SMTN: variants seen among roughly 807,000 people sequenced by gnomAD.
SMTN encodes smoothelin.
SMTN carries 58 observed loss-of-function variants against 102.0 expected under a neutral mutation model. The ratio of observed to expected loss-of-function variants is 0.57; its 90% CI spans 0.46 to 0.71. SMTN has a LOEUF of 0.71. SMTN is among the 30% of genes least tolerant of loss of function. The pLI is 0.00. For missense variants in SMTN, 1,185 were observed against 1,241.7 expected, an observed-to-expected ratio of 0.95 and a Z score of 0.69; for synonymous variants, 478 against 497.9, an observed-to-expected ratio of 0.96 and a Z score of 0.53.
chr22:31,103,838 C>G (rs1378051860), intron 20 of SMTN: 3 of 158,852 alleles, frequency 1.9e-5, no homozygotes, highest in Admixed American at 1.8e-4. Context: ...GATCAGGCAG[C>G]TAGCAGACAA....
Position 31,095,569 on chromosome 22 carries a change from C to A in SMTN, c.1821C>A (p.Leu607=). ...DQSTDFEERK[L]IRAALRELRQ... is the part of the protein sequence containing the mutation. ...GCACGGACTTTGAAGAGCGGAAGCT[C>A]ATCCGGGCTGCACTTCGTGAGCTCC... Residue 607 remains leucine, a synonymous_variant, in exon 13 of 21, where the codon CTC becomes CTA. Coordinates refer to ENST00000333137, the MANE Select transcript of SMTN (RefSeq NM_134269.3). The surrounding 1 kb of genome is among the most constrained non-coding windows in gnomAD (Gnocchi z 4.1). 1 of 1,614,032 alleles carries A rather than the reference C, an allele frequency of 6.2e-7. No individual in the cohort carries two copies. The highest frequency in any genetic ancestry group is 1.1e-5 in the South Asian group (1 of 91,078).
At position 31,071,792 on chromosome 22, in the gene SMTN, C is replaced by G. The variant is rs1485998661; in HGVS notation, c.-386+7605C>G. ...CTCACTGCAACCTCCACCTTCCAGG[C>G]TCAAGGGATTCTCCCACCTCAGCCT... On this transcript the variant is annotated intron_variant, in intron 1 of 3. Coordinates refer to the SMTN transcript ENST00000422839. 2.6e-5 allele frequency among the ~76,000 whole-genome samples: 4 copies of G among 150,980 alleles called. No homozygotes were observed. The East Asian group carries it at 7.9e-4, about 30-fold the overall frequency.
intron 1 of SMTN, among the ~76,000 whole-genome samples, chr22:31,071,559 G>C (rs1419699091): frequency 2.0e-5 from 3 of 152,078 alleles, no homozygotes; most frequent in South Asian, 4.1e-4. Context: ...CGAGGCTGCA[G>C]TGAGCTGCGA....
chr22:31,090,403 A>G (rs2043039531), intron 8 of SMTN, among the ~76,000 whole-genome samples: 1 of 142,944 alleles, frequency 7.0e-6, no homozygotes, highest in Admixed American at 7.1e-5. Flanking sequence ...CTTGAAAGGC[A>G]ACGGGCCTCA....
chr22:31,086,747 C>G (rs539041190), intron 2 of SMTN, among the ~76,000 whole-genome samples: 1 of 152,368 alleles, frequency 6.6e-6, no homozygotes, highest in Admixed American at 6.5e-5. Context: ...GGGGTCTTCT[C>G]ATAATTCCTC....
rs2042835755 is a variant in SMTN at position 31,088,087 on chromosome 22, G to T, written c.174G>T (p.Arg58=). The T allele has an allele frequency of 1.2e-6, 2 of 1,607,394 alleles. No homozygotes were observed. Among genetic ancestry groups the T allele is most frequent in the African/African-American group, 2.7e-5 (2 of 74,878 alleles). Residue 58 remains arginine, a synonymous_variant, in exon 3 of 21, where the codon CGG becomes CGT. Coordinates refer to ENST00000333137, the MANE Select transcript of SMTN (RefSeq NM_134269.3). ...CATCCAAGCGTTTCCGTGCCGAGCG[G>T]CAGGACAACAAGGAGAACTGGCTGC... ...ALASKRFRAE[R]QDNKENWLHS... is the part of the protein sequence containing the mutation.
chr22:31,101,019 A>C lies in SMTN; in HGVS notation c.2738A>C (p.Lys913Thr). ...GTCCAGAAGGGGCTGGTAAAAACCA[A>C]AAAGTCCTAACCCCTGCTCGGGGCC... ...CLVQKGLVKT[K>T]KS is the part of the protein sequence containing the mutation. The change falls in exon 20 of 21, where the codon AAA becomes ACA. Residue 913 changes from lysine (K) to threonine (T), a missense_variant. Lys to Thr is a moderately conservative substitution (Grantham distance 78). Around this residue, in one of 2 missense-constraint regions of SMTN, gnomAD observed 89 missense variants for 128.9 expected, o/e 0.69. Transcript: ENST00000333137. The C allele has an allele frequency of 1.9e-6, 3 of 1,612,184 alleles. No homozygotes were observed. The highest frequency in any genetic ancestry group is 2.5e-6 in the Non-Finnish European group (3 of 1,179,142).
At position 31,083,324 on chromosome 22, in the gene SMTN, C is replaced by T. The variant is rs1317461445; in HGVS notation, c.51+15C>T. 3 of 1,548,762 alleles carry T rather than the reference C, an allele frequency of 1.9e-6. No individual in the cohort carries two copies. The highest frequency in any genetic ancestry group is 4.0e-5 in the Admixed American group (2 of 49,432). ...TTCGGAAGCTGGTAAGTGGCCCCAT[C>T]ACCCACTGTGGGGACAGGAAAGCCA... On this transcript the variant is annotated intron_variant, in intron 2 of 20. Transcript: ENST00000333137.
At chr22:31,100,190 CTCTCTCCCTT>C (rs2147807265) in intron 19 of SMTN, among the ~76,000 whole-genome samples, 2 of 152,200 alleles carry the variant, frequency 1.3e-5, no homozygotes, top group East Asian at 1.9e-4. Flanking sequence ...CCTTCTCCCT[CTCTCTCCCTT>C]TCTCTGTCCT....
At chr22:31,102,704 C>CCTGAGCG (rs1266207349) in intron 20 of SMTN, 1 of 142,694 alleles carries the variant, frequency 7.0e-6, no homozygotes, top group Non-Finnish European at 1.6e-5. Context: ...ACTGGGGCAG[C>CCTGAGCG]CTGAGCCCTG....
intron 19 of SMTN, 82 bp downstream of exon 19, chr22:31,099,978 C>A (rs934509145): frequency 7.0e-7 from 1 of 1,428,080 alleles, no homozygotes; most frequent in Non-Finnish European, 9.6e-7. Context: ...CCCTGAGAAC[C>A]CCTGGAGCGG....
In SMTN at chr22:31,104,262, G is replaced by A. The variant is rs1053714953; in HGVS notation, c.*21-54G>A. 4.4e-5 allele frequency: 71 copies of A among 1,600,112 alleles called. 3 individuals are homozygous for A. Among genetic ancestry groups the A allele is most frequent in the Admixed American group, 3.6e-4 (21 of 59,134 alleles). ...AAAAAAGACCTTGGGGTAGAGGGGC[G>A]CCACGAGAGGCGGGTCTGGCGCTGA... is the stretch of plus-strand genomic sequence containing the variant. On this transcript the variant is annotated intron_variant, in intron 20 of 20. Transcript: ENST00000333137.
rs765622353 is a variant in SMTN, at chr22:31,088,477, A to G, written c.201-36A>G. 31 of 1,578,064 alleles carry G rather than the reference A, an allele frequency of 2.0e-5. 1 individual carries two copies. In the Admixed American group the frequency reaches 4.9e-4, roughly 25 times the overall value. ...AGCCCACATCCTCCACGACCTGGCC[A>G]TGGCAGTGGTGGTTACAGTCATGAT... is the stretch of plus-strand genomic sequence containing the variant. On this transcript the variant is annotated intron_variant, in intron 3 of 20. Coordinates refer to ENST00000333137, the MANE Select transcript of SMTN (RefSeq NM_134269.3).
intron 1 of SMTN, among the ~76,000 whole-genome samples, chr22:31,075,830 GTTTTGT>G (rs919418882): frequency 6.6e-6 from 1 of 152,132 alleles, no homozygotes; most frequent in Non-Finnish European, 1.5e-5. Context: ...GTTTTGTTTT[GTTTTGT>G]TTTTGTTTTT....
intron 14 of SMTN, 38 bp downstream of exon 14, chr22:31,096,935 G>A: frequency 6.2e-7 from 1 of 1,612,802 alleles, no homozygotes; most frequent in Non-Finnish European, 8.5e-7. Context: ...GGCTCAGGGT[G>A]GGAACACATC....
Position 31,101,015 on chromosome 22 carries a change from A to C in SMTN, c.2734A>C (p.Thr912Pro), listed in dbSNP as rs754141928. The C allele has an allele frequency of 3.1e-6, 5 of 1,612,450 alleles. No homozygotes were observed. Among genetic ancestry groups the C allele is most frequent in the Non-Finnish European group, 3.4e-6 (4 of 1,179,322 alleles). The change falls in exon 20 of 21, where the codon ACC (threonine) becomes CCC (proline). Residue 912 changes from threonine to proline, a missense_variant. Coordinates refer to ENST00000333137, the MANE Select transcript of SMTN (RefSeq NM_134269.3). ...RCLVQKGLVK[T>P]KKS ...TCTGGTCCAGAAGGGGCTGGTAAAA[A>C]CCAAAAAGTCCTAACCCCTGCTCGG...
intron 19 of SMTN, among the ~76,000 whole-genome samples, chr22:31,100,609 C>G (rs2044001810): frequency 6.6e-6 from 1 of 152,134 alleles, no homozygotes; most frequent in Admixed American, 6.5e-5. Flanking sequence ...TTCTCTGCAC[C>G]TGTGACTGGT....
At chr22:31,075,550 G>A (rs1270741021) in intron 1 of SMTN, among the ~76,000 whole-genome samples, 5 of 152,056 alleles carry the variant, frequency 3.3e-5, no homozygotes, top group Non-Finnish European at 5.9e-5. Context: ...GCGTGGTGAC[G>A]GGCCCTTGTA....
intron 2 of SMTN, chr22:31,085,084 G>A: frequency 1.3e-6 from 2 of 1,534,342 alleles, no homozygotes; most frequent in Non-Finnish European, 8.7e-7. Flanking sequence ...TGGGAGGAAT[G>A]GGGACGCCTG....
Sources: gnomAD v4.1 joint callset for allele counts (sites outside exome capture counted in the v4.1 genomes callset) on GRCh38, gnomAD v4.1.1 for gene constraint, gnomAD v4.1.1 regional missense constraint, Gnocchi (gnomAD v3.1) non-coding constraint, MANE v1.5 for transcripts, NCBI Gene and HGNC (gene_info 2026-07-23, HGNC 2026-07-21) for gene names.